The following IQSEC1 variants were observed in gnomAD, a reference collection of about 807,000 sequenced individuals.
The protein encoded by IQSEC1 is IQ motif and SEC7 domain-containing protein 1.
In IQSEC1, 31 loss-of-function variants were observed where a neutral mutation model predicts 91.0. The ratio of observed to expected loss-of-function variants is 0.34; its 90% CI spans 0.26 to 0.46. The LOEUF (loss-of-function observed/expected upper bound fraction) is 0.46, where lower values mean the gene tolerates loss of function less well. IQSEC1 is among the 20% of genes least tolerant of loss of function. The pLI is 1.00. For synonymous variants in IQSEC1, 699 were observed against 662.6 expected, an observed-to-expected ratio of 1.05 and a Z score of -0.84; for missense variants, 1,388 against 1,575.6, an observed-to-expected ratio of 0.88 and a Z score of 2.02.
At chr3:13,234,579 C>A (rs1694893892) in intron 1 of IQSEC1, among the ~76,000 whole-genome samples, 1 of 152,250 alleles carries the variant, frequency 6.6e-6, no homozygotes, top group South Asian at 2.1e-4. Context: ...GACACTAATA[C>A]CTACTTAAGT....
intron 10 of IQSEC1, 138 bp downstream of exon 10, chr3:12,911,491 C>T: frequency 2.9e-6 from 2 of 682,972 alleles, no homozygotes; most frequent in East Asian, 5.3e-5. Context: ...ACCGGAGCTC[C>T]TAGCTGCAAT....
At chr3:12,958,370 A>T (rs1229005584) in intron 1 of IQSEC1, among the ~76,000 whole-genome samples, 2 of 152,202 alleles carry the variant, frequency 1.3e-5, no homozygotes, top group Non-Finnish European at 1.5e-5. Context: ...CCCAGCAGGC[A>T]GGAGCTGTGT....
chr3:13,064,049 G>A (rs1341470430), intron 1 of IQSEC1, among the ~76,000 whole-genome samples: 2 of 150,528 alleles, frequency 1.3e-5, no homozygotes, highest in Non-Finnish European at 2.9e-5. Context: ...TATATACATC[G>A]TTTCCCCCAA....
At chr3:13,201,388 T>A (rs116333439) in intron 1 of IQSEC1, among the ~76,000 whole-genome samples, 2,513 of 152,320 alleles carry the variant, frequency 0.016, 66 homozygotes, top group African/African-American at 0.057. Context: ...TGGAGTGCAG[T>A]AATGCGATCA....
chr3:13,154,374 G>A (rs1216714275), intron 2 of IQSEC1, among the ~76,000 whole-genome samples: 1 of 137,872 alleles, frequency 7.3e-6, no homozygotes, highest in African/African-American at 2.7e-5. Flanking sequence ...GGTGCTAATG[G>A]GCATCTGCAC....
intron 1 of IQSEC1, among the ~76,000 whole-genome samples, chr3:13,202,028 C>T (rs529230771): frequency 6.6e-5 from 10 of 152,348 alleles, no homozygotes; most frequent in South Asian, 6.2e-4. Context: ...CAACTGCAGC[C>T]GCTGCCAAGA....
At chr3:13,037,532 A>T (rs1704080470) in intron 1 of IQSEC1, among the ~76,000 whole-genome samples, 1 of 152,228 alleles carries the variant, frequency 6.6e-6, no homozygotes, top group African/African-American at 2.4e-5. Context: ...CTGAAAAAAC[A>T]AGGTGCACCT....
chr3:13,283,172 T>TCCGCCGCCCGCTGCC (rs1170387858), exon 1 of IQSEC1, among the ~76,000 whole-genome samples: 5 of 141,218 alleles, frequency 3.5e-5, no homozygotes, highest in Admixed American at 1.4e-4. Flanking sequence ...GCCGCCGCGC[T>TCCGCCGCCCGCTGCC]CCGCCGCCCG....
intron 2 of IQSEC1, among the ~76,000 whole-genome samples, chr3:12,938,909 C>A (rs1425028571): frequency 1.3e-5 from 2 of 152,212 alleles, no homozygotes; most frequent in Non-Finnish European, 2.9e-5. Flanking sequence ...GTTCCTCCCC[C>A]AGGGGGACAC....
At chr3:13,146,732 C>T (rs1028015824) in intron 2 of IQSEC1, among the ~76,000 whole-genome samples, 2 of 152,154 alleles carry the variant, frequency 1.3e-5, no homozygotes, top group Admixed American at 1.3e-4. Context: ...CTCAGCTACT[C>T]GAGAGGCTGA....
rs1267579590 is a variant in IQSEC1 at position 12,899,186 on chromosome 3, CG to C, written c.*1796del. 1 of 598,526 alleles carries C rather than the reference CG, an allele frequency of 1.7e-6. No homozygotes were observed. Among genetic ancestry groups the C allele is most frequent in the Admixed American group, 3.0e-5 (1 of 33,276 alleles). The allele number at this position is 598,526 out of a possible 1,614,324, so 37.1% of individuals were successfully genotyped here. A position where few individuals can be genotyped will look rare whatever the true frequency, so the allele number is the denominator to read the frequency against. On this transcript the variant is annotated 3_prime_UTR_variant, in exon 14 of 14. Coordinates refer to ENST00000613206, the MANE Select transcript of IQSEC1 (RefSeq NM_001134382.3). ...GTGGGAGGGATGTGAGGAGGGAAAT[CG>C]GCAAAACCCTGGCCAGCCAGCCAGC...
In IQSEC1 at chr3:12,924,250, T is replaced by C. The variant is rs928911259; in HGVS notation, c.1730+331A>G. Among the ~76,000 whole-genome samples the C allele has an allele frequency of 6.6e-6, 1 of 152,196 alleles. No homozygotes were observed. Among genetic ancestry groups the C allele is most frequent in the African/African-American group, 2.4e-5 (1 of 41,536 alleles). Reference sequence around the variant, plus strand: ...GAGAAGCTGCAGGAACATGGGTCACTGAGGGCTGTGATGCTTGGTGCTGGG... The same window carrying C: ...GAGAAGCTGCAGGAACATGGGTCACCGAGGGCTGTGATGCTTGGTGCTGGG... On this transcript the variant is annotated intron_variant, in intron 4 of 13. Transcript: ENST00000613206. This position sits in a 1 kb window ranked among gnomAD's most constrained non-coding sequence, Gnocchi z 6.3.
At chr3:13,257,391 C>G (rs1298428760) in intron 1 of IQSEC1, among the ~76,000 whole-genome samples, 2 of 152,208 alleles carry the variant, frequency 1.3e-5, no homozygotes, top group African/African-American at 4.8e-5. Flanking sequence ...CACACTGAAC[C>G]CCACGCTGTG....
At chr3:12,901,984 G>A (rs901750800) in intron 13 of IQSEC1, among the ~76,000 whole-genome samples, 1 of 151,920 alleles carries the variant, frequency 6.6e-6, no homozygotes, top group African/African-American at 2.4e-5. Flanking sequence ...TGGGCTGAGG[G>A]CATGTGCTCC....
chr3:13,073,972 T>C (rs1296430237), upstream of IQSEC1, among the ~76,000 whole-genome samples: 2 of 152,266 alleles, frequency 1.3e-5, no homozygotes, highest in African/African-American at 2.4e-5. Context: ...CAAAGGGGGC[T>C]GCACGTGGCT....
At chr3:12,939,006 C>T (rs1341742060) in intron 2 of IQSEC1, among the ~76,000 whole-genome samples, 1 of 152,176 alleles carries the variant, frequency 6.6e-6, no homozygotes, top group Non-Finnish European at 1.5e-5. Flanking sequence ...CAGGCCCGGT[C>T]GAAAAGTTTC....
At chr3:13,277,128 A>AC (rs1695700397) in intron 1 of IQSEC1, among the ~76,000 whole-genome samples, 1 of 150,388 alleles carries the variant, frequency 6.6e-6, no homozygotes, top group African/African-American at 2.5e-5. Context: ...AAAAAAAAAA[A>AC]AAAAAAAAAC....
chr3:13,044,994 G>A (rs1390784019), intron 1 of IQSEC1, among the ~76,000 whole-genome samples: 1 of 152,226 alleles, frequency 6.6e-6, no homozygotes, highest in East Asian at 1.9e-4. Flanking sequence ...CTGTGAAAGG[G>A]GAACATTGAT....
intron 1 of IQSEC1, among the ~76,000 whole-genome samples, chr3:13,242,232 C>A (rs1695032582): frequency 6.6e-6 from 1 of 152,190 alleles, no homozygotes; most frequent in Admixed American, 6.5e-5. Flanking sequence ...GTCTCCAGGT[C>A]TCCGCGGCTG....
Sources: gnomAD v4.1 joint callset for allele counts (sites outside exome capture counted in the v4.1 genomes callset) on GRCh38, gnomAD v4.1.1 for gene constraint, Gnocchi (gnomAD v3.1) non-coding constraint, MANE v1.5 for transcripts, NCBI Gene and HGNC (gene_info 2026-07-23, HGNC 2026-07-21) for gene names.